Variants in PRKCA observed in about 807,000 individuals in gnomAD.
The protein encoded by PRKCA is protein kinase C alpha.
PRKCA carries 27 observed loss-of-function variants against 87.0 expected under a neutral mutation model. That is an observed-to-expected ratio of 0.31 (90% CI 0.23 to 0.43). The LOEUF (loss-of-function observed/expected upper bound fraction) is 0.43. Among genes scored for constraint, PRKCA ranks in the 20% least tolerant of loss-of-function variants. PRKCA has a pLI of 1.00. For synonymous variants in PRKCA, 329 were observed against 311.1 expected (o/e 1.06, Z -0.61); for missense variants, 518 against 852.3 (o/e 0.61, Z 4.88).
At chr17:66,379,615 T>C (rs1294088127) in intron 2 of PRKCA, among the ~76,000 whole-genome samples, 2 of 152,258 alleles carry the variant, frequency 1.3e-5, no homozygotes, top group Admixed American at 1.3e-4. Context: ...GTAAATTTTA[T>C]ACCAGGCTGC....
intron 2 of PRKCA, among the ~76,000 whole-genome samples, chr17:66,438,637 T>C (rs1268821011): frequency 2.6e-5 from 4 of 152,182 alleles, no homozygotes; most frequent in Non-Finnish European, 5.9e-5. Flanking sequence ...TGAGACCAGG[T>C]ACTTTATAAA....
intron 2 of PRKCA, among the ~76,000 whole-genome samples, chr17:66,341,372 T>C (rs766899764): frequency 2.0e-5 from 3 of 152,158 alleles, no homozygotes; most frequent in Non-Finnish European, 4.4e-5. Context: ...TTTTGAGGGA[T>C]GTTAAGTAAT....
intron 8 of PRKCA, among the ~76,000 whole-genome samples, chr17:66,690,427 C>T (rs11869446): frequency 0.15 from 23,343 of 152,106 alleles, 2,020 homozygotes; most frequent in East Asian, 0.28. Context: ...TTCTCACAGG[C>T]GAGTCCAGGC....
At chr17:66,517,624 G>C (rs1264166391) in intron 3 of PRKCA, among the ~76,000 whole-genome samples, 1 of 152,168 alleles carries the variant, frequency 6.6e-6, no homozygotes, top group African/African-American at 2.4e-5. Context: ...CTTGACGTTA[G>C]ACAGAATTTC....
At chr17:66,537,934 T>G (rs763084701) in intron 3 of PRKCA, among the ~76,000 whole-genome samples, 4 of 152,012 alleles carry the variant, frequency 2.6e-5, no homozygotes, top group Non-Finnish European at 2.9e-5. Context: ...GCTTCCCGAG[T>G]GGCTGGGATT....
chr17:66,562,088 TAAA>T (rs1968705776), intron 3 of PRKCA, among the ~76,000 whole-genome samples: 1 of 112,806 alleles, frequency 8.9e-6, no homozygotes, highest in Non-Finnish European at 1.9e-5. Flanking sequence ...TATATATAAT[TAAA>T]TATATATAAT....
At chr17:66,626,870 T>G (rs1258652788) in intron 3 of PRKCA, among the ~76,000 whole-genome samples, 1 of 152,176 alleles carries the variant, frequency 6.6e-6, no homozygotes, top group East Asian at 1.9e-4. Flanking sequence ...AACAATAATT[T>G]GGAACATTAG....
intron 13 of PRKCA, among the ~76,000 whole-genome samples, chr17:66,750,924 C>G (rs546525077): frequency 2.2e-4 from 33 of 152,306 alleles, no homozygotes; most frequent in Admixed American, 1.7e-3. Flanking sequence ...GACATCAGCT[C>G]CAATGCTACC....
chr17:66,378,926 A>G (rs1909633467), intron 2 of PRKCA, among the ~76,000 whole-genome samples: 1 of 151,934 alleles, frequency 6.6e-6, no homozygotes, highest in Non-Finnish European at 1.5e-5. Flanking sequence ...GTAATGATAT[A>G]ATATGTGGCT....
intron 13 of PRKCA, among the ~76,000 whole-genome samples, chr17:66,751,800 G>A (rs138107507): frequency 6.6e-6 from 1 of 152,024 alleles, no homozygotes; most frequent in Non-Finnish European, 1.5e-5. Flanking sequence ...GGCTAGGGGG[G>A]GTCTCAGGAA....
intron 3 of PRKCA, among the ~76,000 whole-genome samples, chr17:66,573,778 T>C (rs990356134): frequency 1.3e-5 from 2 of 152,218 alleles, no homozygotes; most frequent in South Asian, 2.1e-4. Flanking sequence ...ACTGAACTCA[T>C]AAAAATATTC....
intron 5 of PRKCA, among the ~76,000 whole-genome samples, chr17:66,679,706 G>A (rs1486392202): frequency 7.9e-5 from 12 of 152,194 alleles, no homozygotes; most frequent in Admixed American, 3.9e-4. Context: ...TCGTTCTCCT[G>A]AGCAACGTTT....
rs182179581 is a variant in PRKCA, at chr17:66,394,386, C to T, written c.205+88259C>T. Among the ~76,000 whole-genome samples, 1,059 of 152,246 alleles carry T rather than the reference C, an allele frequency of 7.0e-3. 7 individuals are homozygous for T. The highest frequency in any genetic ancestry group is 0.017 in the Middle Eastern group (5 of 294). ...GGATTGGCAGGGGAAGATTCACTTC[C>T]GAAGTATTGGCTTAGCAGAGGAGCT... is the stretch of plus-strand genomic sequence containing the variant. On this transcript the variant is annotated intron_variant, in intron 2 of 16. Coordinates refer to ENST00000413366, the MANE Select transcript of PRKCA (RefSeq NM_002737.3).
At chr17:66,372,713 G>A (rs1397011327) in intron 2 of PRKCA, among the ~76,000 whole-genome samples, 3 of 152,182 alleles carry the variant, frequency 2.0e-5, no homozygotes, top group South Asian at 2.1e-4. Flanking sequence ...GAATGGGTCA[G>A]TATGCTCATT....
intron 3 of PRKCA, among the ~76,000 whole-genome samples, chr17:66,508,168 G>T (rs1335645115): frequency 6.6e-6 from 1 of 152,140 alleles, no homozygotes; most frequent in Non-Finnish European, 1.5e-5. Flanking sequence ...CCAGAAGCTG[G>T]GATCCAGCAC....
intron 2 of PRKCA, among the ~76,000 whole-genome samples, chr17:66,393,412 C>T (rs1910476501): frequency 6.6e-6 from 1 of 152,108 alleles, no homozygotes; most frequent in Admixed American, 6.5e-5. Flanking sequence ...CTCCCGGACA[C>T]ACACACACAC....
At chr17:66,305,599 A>G (rs1904773613) in intron 1 of PRKCA, among the ~76,000 whole-genome samples, 1 of 152,266 alleles carries the variant, frequency 6.6e-6, no homozygotes, top group Non-Finnish European at 1.5e-5. Context: ...TTAAGCCAAC[A>G]TTAAATGTTA....
intron 4 of PRKCA, among the ~76,000 whole-genome samples, chr17:66,644,230 A>T (rs1049336883): frequency 4.6e-5 from 7 of 152,234 alleles, no homozygotes; most frequent in Non-Finnish European, 1.0e-4. Context: ...TATGTCCATC[A>T]TTCTGCTGTC....
intron 5 of PRKCA, among the ~76,000 whole-genome samples, chr17:66,669,306 G>A (rs1043119874): frequency 6.6e-6 from 1 of 152,132 alleles, no homozygotes; most frequent in Non-Finnish European, 1.5e-5. Context: ...TCTTTGTGGT[G>A]CAACAAACAG....
Sources: allele counts gnomAD v4.1 joint callset (sites outside exome capture counted in the v4.1 genomes callset), GRCh38; gene constraint gnomAD v4.1.1; transcripts MANE v1.5; gene names NCBI Gene and HGNC (gene_info 2026-07-23, HGNC 2026-07-21).